RAB12: variants seen among roughly 807,000 people sequenced by gnomAD.
RAB12 encodes the protein RAB12, member RAS oncogene family.
RAB12 carries 11 observed loss-of-function variants against 28.4 expected under a neutral mutation model. The ratio of observed to expected loss-of-function variants is 0.39; its 90% CI spans 0.24 to 0.64. RAB12 has a LOEUF of 0.64. Among genes scored for constraint, RAB12 ranks in the 30% least tolerant of loss-of-function variants. The pLI is 0.50. For missense variants in RAB12, 276 were observed against 351.1 expected, an observed-to-expected ratio of 0.79 and a Z score of 1.71; for synonymous variants, 138 against 145.3, an observed-to-expected ratio of 0.95 and a Z score of 0.36.
At chr18:8,621,432 G>A (rs182680) in intron 1 of RAB12, among the ~76,000 whole-genome samples, 105,194 of 152,034 alleles carry the variant, frequency 0.69, 37,062 homozygotes, top group African/African-American at 0.8. Context: ...TCTGTTAGAT[G>A]TGGTATAGGT....
chr18:8,636,286 GA>G lies in RAB12; in HGVS notation c.840del (p.Ala281GlnfsTer14). On this transcript the variant is annotated frameshift_variant, in exon 5 of 6. Coordinates refer to ENST00000649141, the MANE Select transcript of RAB12 (RefSeq NM_001025300.3). LOFTEE classifies it high-confidence loss of function. ...AQQITGMRFCEASAKDNFNVD... is the reference protein window; with the variant it reads ...AQQITGMRFCXASAKDNFNVD... ...GCAGATCACTGGGATGCGGTTCTGTGAAGCAAGTGCCAAGGATAACTTCAAT... is the reference window on the plus strand; with the variant it reads ...GCAGATCACTGGGATGCGGTTCTGTGAGCAAGTGCCAAGGATAACTTCAAT... 6.2e-7 allele frequency: 1 copy of G among 1,613,786 alleles called. No homozygotes were observed. Among genetic ancestry groups the G allele is most frequent in the Non-Finnish European group, 8.5e-7 (1 of 1,179,712 alleles).
At chr18:8,625,396 T>G (rs927023905) in intron 2 of RAB12, among the ~76,000 whole-genome samples, 3 of 152,240 alleles carry the variant, frequency 2.0e-5, no homozygotes, top group African/African-American at 7.2e-5. Flanking sequence ...TTGCACAATC[T>G]GAAGGCAGGT....
At chr18:8,625,600 C>G (rs558816993) in intron 2 of RAB12, among the ~76,000 whole-genome samples, 2 of 152,330 alleles carry the variant, frequency 1.3e-5, no homozygotes, top group South Asian at 4.2e-4. Flanking sequence ...TAACTGCACT[C>G]AGCACTAAGA....
At chr18:8,628,216 A>G (rs1308159815) in intron 2 of RAB12, among the ~76,000 whole-genome samples, 1 of 152,158 alleles carries the variant, frequency 6.6e-6, no homozygotes, top group Non-Finnish European at 1.5e-5. Context: ...CATTGATGTA[A>G]TCTAATTTTC....
intron 2 of RAB12, among the ~76,000 whole-genome samples, chr18:8,631,532 G>A (rs375276040): frequency 1.8e-4 from 27 of 152,284 alleles, no homozygotes; most frequent in African/African-American, 6.5e-4. Flanking sequence ...AAGCCAGGGA[G>A]CCTTTGAGCC....
rs1005195486 is a variant in RAB12, at chr18:8,609,776, C to G, written c.337C>G (p.Leu113Val). ...GAGGCGGGCCGGGGGCGGCGGCGGT[C>G]TGGGCGCGGGCTCCCCGGCGCTGTC... ...LQRRAGGGGG[L>V]GAGSPALSGG... is the part of the protein sequence containing the mutation. The change falls in exon 1 of 6, where the codon CTG (leucine) becomes GTG (valine). Residue 113 changes from leucine to valine, a missense_variant. This residue lies in a region of RAB12 where 76 missense variants were observed against 117.9 expected (regional missense o/e 0.64). Transcript: ENST00000649141. 1.5e-5 allele frequency: 20 copies of G among 1,296,580 alleles called. No homozygotes were observed. Among genetic ancestry groups the G allele is most frequent in the Non-Finnish European group, 1.9e-5 (19 of 1,023,762 alleles). The allele number at this position is 1,296,580 out of a possible 1,614,324, so 80.3% of individuals were successfully genotyped here.
chr18:8,633,527 A>T (rs1436879891), intron 3 of RAB12, among the ~76,000 whole-genome samples, 200 bp downstream of exon 3: 1 of 152,230 alleles, frequency 6.6e-6, no homozygotes, highest in Non-Finnish European at 1.5e-5. Flanking sequence ...ATCCAGAATC[A>T]GGATTTTTCG....
Position 8,621,864 on chromosome 18 carries a change from G to A in RAB12, c.515-3074G>A, listed in dbSNP as rs143384201. On this transcript the variant is annotated intron_variant, in intron 1 of 5. Coordinates refer to ENST00000649141, the MANE Select transcript of RAB12 (RefSeq NM_001025300.3). The stretch of plus-strand genomic sequence containing the variant: ...CAGGTTCTTAGCCCTATTTACTGTC[G>A]GGTAATCTTTGCTTTGTTTTCCTAT... Among the ~76,000 whole-genome samples, 107 of 152,080 alleles carry A rather than the reference G, an allele frequency of 7.0e-4. 1 individual carries two copies. In the East Asian group the frequency reaches 0.016, roughly 22 times the overall value.
In RAB12 at chr18:8,609,888, G is replaced by T; in HGVS notation, c.449G>T (p.Gly150Val). Residue 150 changes from glycine to valine, a missense_variant, in exon 1 of 6, where the codon GGC (glycine) becomes GTC (valine). Coordinates refer to ENST00000649141, the MANE Select transcript of RAB12 (RefSeq NM_001025300.3). ...QVIIIGSRGV[G>V]KTSLMERFTD... ...ATCATTATCGGCTCCCGCGGCGTGG[G>T]CAAGACCAGCCTGATGGAGCGCTTC... is the stretch of plus-strand genomic sequence containing the variant. The T allele has an allele frequency of 6.2e-7, 1 of 1,605,882 alleles. No individual in the cohort carries two copies. Among genetic ancestry groups the T allele is most frequent in the Non-Finnish European group, 8.5e-7 (1 of 1,177,006 alleles).
At position 8,611,592 on chromosome 18, in the gene RAB12, G is replaced by A. The variant is rs116756714; in HGVS notation, c.514+1639G>A. The stretch of plus-strand genomic sequence containing the variant: ...GAATGGATGCTGCGAGACCTTGACC[G>A]CCATGCTAAGGAGAATGGACCCGAT... On this transcript the variant is annotated intron_variant, in intron 1 of 5. Coordinates refer to ENST00000649141, the MANE Select transcript of RAB12 (RefSeq NM_001025300.3). Among the ~76,000 whole-genome samples the A allele has an allele frequency of 1.9e-3, 295 of 152,246 alleles. 1 individual carries two copies. The highest frequency in any genetic ancestry group is 6.9e-3 in the African/African-American group (285 of 41,542).
chr18:8,611,840 T>G lies in RAB12; in HGVS notation c.514+1887T>G, dbSNP rs116651720. On this transcript the variant is annotated intron_variant, in intron 1 of 5. Transcript: ENST00000649141. ...TCCCTACTCTGAGTGTGGTTGAATT[T>G]CTGTCTTGCTCATTTTTGTTTGCTT... 8.7e-3 allele frequency among the ~76,000 whole-genome samples: 1,318 copies of G among 152,344 alleles called. 15 individuals carry two copies. Among genetic ancestry groups the G allele is most frequent in the African/African-American group, 0.027 (1,107 of 41,576 alleles).
At chr18:8,621,005 G>A (rs1041240026) in intron 1 of RAB12, among the ~76,000 whole-genome samples, 5 of 152,202 alleles carry the variant, frequency 3.3e-5, no homozygotes, top group Non-Finnish European at 7.3e-5. Context: ...TATGACTGAG[G>A]TTTTCAAAGG....
At position 8,622,727 on chromosome 18, in the gene RAB12, C is replaced by T. The variant is rs567420439; in HGVS notation, c.515-2211C>T. ...CCCAAATTTATTAGGTGGGAATTTC[C>T]TCTTCCTAATAAGCCTGGGAGCACT... On this transcript the variant is annotated intron_variant, in intron 1 of 5. Transcript: ENST00000649141. Among the ~76,000 whole-genome samples the T allele has an allele frequency of 2.0e-5, 3 of 152,278 alleles. No homozygotes were observed. In the South Asian group the frequency reaches 6.2e-4, roughly 32 times the overall value.
Position 8,635,617 on chromosome 18 carries a change from GA to G in RAB12, c.803del (p.Lys268SerfsTer27), listed in dbSNP as rs1348000203. ...CAGAGAAATCACCAGGCAGCAGGGG[GA>G]AAAGGTGAGAGGGCGTGGGAGGCAC... The part of the protein sequence containing the change: ...TDREITRQQG[E>X]KFAQQITGMR... On this transcript the variant is annotated frameshift_variant, in exon 4 of 6. Transcript: ENST00000649141. LOFTEE classifies it high-confidence loss of function. 6.2e-7 allele frequency: 1 copy of G among 1,611,334 alleles called. No individual in the cohort carries two copies. Among genetic ancestry groups the G allele is most frequent in the Non-Finnish European group, 8.5e-7 (1 of 1,178,536 alleles).
intron 3 of RAB12, among the ~76,000 whole-genome samples, chr18:8,633,585 C>G (rs962096054): frequency 6.6e-6 from 1 of 152,166 alleles, no homozygotes; most frequent in Non-Finnish European, 1.5e-5. Flanking sequence ...CATGCTCATT[C>G]CACTACATCC....
intron 3 of RAB12, among the ~76,000 whole-genome samples, chr18:8,633,824 C>G (rs762383697): frequency 1.3e-5 from 2 of 152,100 alleles, no homozygotes; most frequent in Non-Finnish European, 2.9e-5. Context: ...TCCTTTGGCT[C>G]GTGATGGAAT....
chr18:8,618,421 C>T (rs2096007870), intron 1 of RAB12, among the ~76,000 whole-genome samples: 1 of 151,952 alleles, frequency 6.6e-6, no homozygotes, highest in South Asian at 2.1e-4. Context: ...ATCCTTACCA[C>T]ACAGGTTAGA....
At chr18:8,637,392 T>G (rs1245406850) in intron 5 of RAB12, among the ~76,000 whole-genome samples, 1 of 152,216 alleles carries the variant, frequency 6.6e-6, no homozygotes, top group African/African-American at 2.4e-5. Context: ...GTATTTTTAT[T>G]TTGCCTGGTT....
intron 2 of RAB12, among the ~76,000 whole-genome samples, chr18:8,627,333 A>C (rs924759746): frequency 6.6e-6 from 1 of 152,218 alleles, no homozygotes; most frequent in African/African-American, 2.4e-5. Flanking sequence ...CCGATTTTCT[A>C]GACTGGCATG....
Sources: allele counts gnomAD v4.1 joint callset (sites outside exome capture counted in the v4.1 genomes callset), GRCh38; gene constraint gnomAD v4.1.1; regional missense constraint gnomAD v4.1.1; transcripts MANE v1.5; gene names NCBI Gene and HGNC (gene_info 2026-07-23, HGNC 2026-07-21).